Variants in ARHGEF6 observed in about 807,000 individuals in gnomAD.
The protein encoded by ARHGEF6 is rho guanine nucleotide exchange factor 6.
ARHGEF6 carries 9 observed loss-of-function variants against 70.3 expected under a neutral mutation model. That is an observed-to-expected ratio of 0.13 (90% CI 0.08 to 0.22). The LOEUF is 0.22. Among genes scored for constraint, ARHGEF6 ranks in the 10% least tolerant of loss-of-function variants. The probability of loss-of-function intolerance (pLI) is 1.00; values close to 1 mark genes in which losing one functional copy is unlikely to be tolerated. For synonymous variants in ARHGEF6, 201 were observed against 207.8 expected (o/e 0.97, Z 0.28); for missense variants, 470 against 563.0 (o/e 0.83, Z 1.67).
intron 12 of ARHGEF6, among the ~76,000 whole-genome samples, chrX:136,683,470 T>C (rs1341977095): frequency 1.8e-5 from 2 of 111,160 alleles, no homozygotes; most frequent in Non-Finnish European, 3.8e-5. Context: ...GCGATTCTCC[T>C]GCCTCAGCCT....
chrX:136,727,385 CTTTCTT>C (rs1569410996), intron 6 of ARHGEF6, among the ~76,000 whole-genome samples: 26 of 73,699 alleles, frequency 3.5e-4, no homozygotes, highest in African/African-American at 1.2e-3. Flanking sequence ...TTCTTTCTTT[CTTTCTT>C]TCTTTCTCTC....
intron 2 of ARHGEF6, among the ~76,000 whole-genome samples, chrX:136,758,243 A>G (rs1374182853): frequency 6.9e-4 from 74 of 106,992 alleles, no homozygotes; most frequent in African/African-American, 2.4e-3. Context: ...AGTAGAGACG[A>G]GGTCTCACCG....
rs1206412256 is a variant in ARHGEF6, at chrX:136,685,736, T to G, written c.1333A>C (p.Lys445Gln). 21 of 1,209,410 alleles carry G rather than the reference T, an allele frequency of 1.7e-5. No homozygotes were observed. The highest frequency in any genetic ancestry group is 2.2e-5 in the Non-Finnish European group (20 of 894,459). ...PIQAWEGEDI[K>Q]NLGNVIFMSQ... ...ATAAAAATCACATTTCCCAAGTTTTTAATATCTTCTCCTTCCCATGCCTGA... is the reference window on the plus strand; with the variant it reads ...ATAAAAATCACATTTCCCAAGTTTTGAATATCTTCTCCTTCCCATGCCTGA... Residue 445 changes from lysine to glutamine, a missense_variant, in exon 12 of 22, where the codon AAA becomes CAA. Lys to Gln is a moderately conservative substitution (Grantham distance 53, BLOSUM62 1). This residue lies in a region of ARHGEF6 where 379 missense variants were observed against 449.3 expected (regional missense o/e 0.84). Transcript: ENST00000250617.
At chrX:136,743,469 T>C in intron 5 of ARHGEF6, 116 bp downstream of exon 5, 2 of 701,316 alleles carry the variant, frequency 2.9e-6, no homozygotes, top group Non-Finnish European at 4.4e-6. Flanking sequence ...ATTTTTGGCA[T>C]ACACATACAA....
At position 136,739,243 on chromosome X, in the gene ARHGEF6, A is replaced by G. The variant is rs762847549; in HGVS notation, c.661+4342T>C. 1.5e-4 allele frequency among the ~76,000 whole-genome samples: 17 copies of G among 111,583 alleles called. No homozygotes were observed. In the South Asian group the frequency reaches 3.8e-3, roughly 25 times the overall value. On this transcript the variant is annotated intron_variant, in intron 5 of 21. Coordinates refer to ENST00000250617, the MANE Select transcript of ARHGEF6 (RefSeq NM_004840.3). ...AGCTTCTTCTATCCTTCAAGACCCA[A>G]TTCAAGTGCTTCCCCACTCCTTATG...
In ARHGEF6 at chrX:136,734,464, T is replaced by A. The variant is rs759598175; in HGVS notation, c.662-2292A>T. ...CACAACTCACCCAATATGAAATAGA[T>A]CATTTGAATGGCCTTATAACTATTA... On this transcript the variant is annotated intron_variant, in intron 5 of 21. Transcript: ENST00000250617. Among the ~76,000 whole-genome samples the A allele has an allele frequency of 5.3e-5, 6 of 112,400 alleles. No individual in the cohort carries two copies. In the South Asian group the frequency reaches 1.8e-3, roughly 35 times the overall value.
At chrX:136,732,255 T>C (rs2076943318) in intron 5 of ARHGEF6, 83 bp from the exon 6 acceptor site, 2 of 719,550 alleles carry the variant, frequency 2.8e-6, no homozygotes, top group African/African-American at 4.2e-5. Context: ...TAACATACTA[T>C]AAAGATTCCC....
chrX:136,710,020 A>G (rs958460547), intron 7 of ARHGEF6, among the ~76,000 whole-genome samples: 3 of 108,176 alleles, frequency 2.8e-5, no homozygotes, highest in African/African-American at 1.0e-4. Flanking sequence ...GTATAGTAAC[A>G]CTAGGCCGGG....
chrX:136,768,784 C>T (rs970415171), intron 2 of ARHGEF6, among the ~76,000 whole-genome samples: 3 of 111,819 alleles, frequency 2.7e-5, no homozygotes, highest in African/African-American at 9.8e-5. Context: ...AGAACTGCTT[C>T]CCTGCAGAGC....
intron 11 of ARHGEF6, among the ~76,000 whole-genome samples, chrX:136,686,521 G>GA (rs993772654): frequency 9.4e-5 from 9 of 96,059 alleles, no homozygotes; most frequent in Middle Eastern, 5.6e-3. Context: ...TTCAAACCAA[G>GA]AAAAAATTAC....
chrX:136,730,107 T>C (rs1381874003), intron 6 of ARHGEF6, among the ~76,000 whole-genome samples: 1 of 111,029 alleles, frequency 9.0e-6, no homozygotes, highest in African/African-American at 3.3e-5. Flanking sequence ...ACTAGTTATA[T>C]AAAAGAAAAA....
At chrX:136,735,065 C>A (rs1189086166) in intron 5 of ARHGEF6, among the ~76,000 whole-genome samples, 2 of 111,809 alleles carry the variant, frequency 1.8e-5, no homozygotes, top group Non-Finnish European at 3.8e-5. Context: ...AAATGCTTTC[C>A]CCCTAAGATC....
intron 9 of ARHGEF6, among the ~76,000 whole-genome samples, chrX:136,695,441 G>A: frequency 8.9e-6 from 1 of 112,321 alleles, no homozygotes; most frequent in Non-Finnish European, 1.9e-5. Context: ...AAACCATAAT[G>A]TTTGAGGGAA....
At chrX:136,686,593 T>G (rs1339946565) in intron 11 of ARHGEF6, among the ~76,000 whole-genome samples, 11 of 61,060 alleles carry the variant, frequency 1.8e-4, no homozygotes, top group Non-Finnish European at 1.3e-4. Flanking sequence ...TGTATGTGTG[T>G]GTATATATAT....
chrX:136,707,988 TC>T (rs2076643657), intron 8 of ARHGEF6, among the ~76,000 whole-genome samples: 1 of 112,099 alleles, frequency 8.9e-6, no homozygotes, highest in Non-Finnish European at 1.9e-5. Flanking sequence ...TACTTTTCCT[TC>T]CCCCACTTTC....
At chrX:136,672,557 C>T (rs2076235754) in intron 19 of ARHGEF6, among the ~76,000 whole-genome samples, 1 of 112,097 alleles carries the variant, frequency 8.9e-6, no homozygotes, top group African/African-American at 3.2e-5. Context: ...TGCACTGAAA[C>T]ACAATGTGCT....
Position 136,682,933 on chromosome X carries a change from C to A in ARHGEF6, c.1393-89G>T, listed in dbSNP as rs1459555869. 3 of 717,885 alleles carry A rather than the reference C, an allele frequency of 4.2e-6. No individual in the cohort carries two copies. The East Asian group carries it at 9.9e-5, about 24-fold the overall frequency. 59.2% of individuals were successfully genotyped at this position (717,885 alleles called of 1,213,427 possible). ...TGGAATCACTGCCTTATAACATAGACCTTATATAAACAACTGAAACATTAA... is the reference window on the plus strand; with the variant it reads ...TGGAATCACTGCCTTATAACATAGAACTTATATAAACAACTGAAACATTAA... On this transcript the variant is annotated intron_variant, in intron 12 of 21. Coordinates refer to ENST00000250617, the MANE Select transcript of ARHGEF6 (RefSeq NM_004840.3).
At chrX:136,673,809 T>C (rs1208933371) in intron 19 of ARHGEF6, among the ~76,000 whole-genome samples, 1 of 111,172 alleles carries the variant, frequency 9.0e-6, no homozygotes, top group Non-Finnish European at 1.9e-5. Flanking sequence ...CATTGAATCA[T>C]TGAATGCTTT....
intron 2 of ARHGEF6, among the ~76,000 whole-genome samples, chrX:136,779,202 T>C (rs750213796): frequency 8.9e-6 from 1 of 112,173 alleles, no homozygotes; most frequent in African/African-American, 3.2e-5. Context: ...TAAAAGGCAT[T>C]ATTGTGTGAG....
Sources: allele counts gnomAD v4.1 joint callset (sites outside exome capture counted in the v4.1 genomes callset), GRCh38; gene constraint gnomAD v4.1.1; regional missense constraint gnomAD v4.1.1; transcripts MANE v1.5; gene names NCBI Gene and HGNC (gene_info 2026-07-23, HGNC 2026-07-21).